The following DSCAML1 variants were observed in gnomAD, a reference collection of about 807,000 sequenced individuals.
DSCAML1 encodes cell adhesion molecule DSCAML1.
Under a neutral mutation model 200.5 loss-of-function variants are expected in DSCAML1, and 38 were observed. The ratio of observed to expected loss-of-function variants is 0.19; its 90% CI spans 0.15 to 0.25. The LOEUF (loss-of-function observed/expected upper bound fraction) is 0.25. Ranked by LOEUF, DSCAML1 falls within the 10% of genes least tolerant of loss-of-function variation. The pLI, the probability that DSCAML1 is intolerant of heterozygous loss-of-function variation, is 1.00. For synonymous variants in DSCAML1, 1,215 were observed against 1,165.0 expected, an observed-to-expected ratio of 1.04 and a Z score of -0.87; for missense variants, 2,223 against 2,858.8, an observed-to-expected ratio of 0.78 and a Z score of 5.07.
At chr11:117,530,511 C>T (rs778856035) in intron 4 of DSCAML1, among the ~76,000 whole-genome samples, 4 of 152,176 alleles carry the variant, frequency 2.6e-5, no homozygotes, top group Non-Finnish European at 5.9e-5. Flanking sequence ...AGCCCCGTCC[C>T]CTACTCTTAT....
chr11:117,511,847 G>T (rs2049624577), intron 8 of DSCAML1, among the ~76,000 whole-genome samples: 1 of 152,270 alleles, frequency 6.6e-6, no homozygotes, highest in Admixed American at 6.5e-5. Context: ...GTGCTCAAGT[G>T]TGAATGGGCT....
At chr11:117,473,995 G>A (rs991362199) in intron 14 of DSCAML1, among the ~76,000 whole-genome samples, 5 of 152,088 alleles carry the variant, frequency 3.3e-5, no homozygotes, top group Non-Finnish European at 7.4e-5. Flanking sequence ...GTTTATAGGA[G>A]AGGGAGAGGG....
intron 3 of DSCAML1, among the ~76,000 whole-genome samples, chr11:117,578,384 G>A (rs2050987470): frequency 6.6e-6 from 1 of 151,834 alleles, no homozygotes; most frequent in Non-Finnish European, 1.5e-5. Context: ...CTAAATATTG[G>A]TGTGGGCTGG....
At chr11:117,746,975 C>G (rs75747112) in intron 3 of DSCAML1, among the ~76,000 whole-genome samples, 1,974 of 152,248 alleles carry the variant, frequency 0.013, 39 homozygotes, top group African/African-American at 0.043. Flanking sequence ...TTTGTCCTGC[C>G]TCTGGACAGC....
chr11:117,444,596 A>G (rs894889674), intron 20 of DSCAML1, among the ~76,000 whole-genome samples: 1 of 152,186 alleles, frequency 6.6e-6, no homozygotes, highest in Non-Finnish European at 1.5e-5. Context: ...TTTACTGGGT[A>G]GCACTTTATT....
Position 117,780,282 on chromosome 11 carries a change from A to AAGAG in DSCAML1, c.364+210_364+211insCTCT, listed in dbSNP as rs1413865538. Among the ~76,000 whole-genome samples, 1 of 96,956 alleles carries AAGAG rather than the reference A, an allele frequency of 1.0e-5. No homozygotes were observed. The highest frequency in any genetic ancestry group is 2.5e-5 in the Non-Finnish European group (1 of 39,656). The allele number at this position is 96,956 out of a possible 152,430, so 63.6% of individuals were successfully genotyped here. A position where few individuals can be genotyped will look rare whatever the true frequency, so the allele number is the denominator to read the frequency against. On this transcript the variant is annotated intron_variant, in intron 2 of 32. Transcript: ENST00000651296. This position sits in a 1 kb window ranked among gnomAD's most constrained non-coding sequence, Gnocchi z 4.8. Reference sequence around the variant, plus strand: ...AAAGAAAGAAAGAAAGAAAGAAAGAAAGAAAGAAAGAAAGAAAGAAAGAGA... The same window carrying AAGAG: ...AAAGAAAGAAAGAAAGAAAGAAAGAAAGAGAGAAAGAAAGAAAGAAAGAAAGAGA...
intron 3 of DSCAML1, among the ~76,000 whole-genome samples, chr11:117,744,106 T>A (rs978205642): frequency 6.6e-6 from 1 of 152,270 alleles, no homozygotes; most frequent in Non-Finnish European, 1.5e-5. Context: ...GTTTGCCATG[T>A]GCTAGGTACT....
chr11:117,798,458 G>T (rs1041846750), upstream of DSCAML1, among the ~76,000 whole-genome samples: 1 of 152,118 alleles, frequency 6.6e-6, no homozygotes, highest in Non-Finnish European at 1.5e-5. Context: ...ATGTTAAAAT[G>T]TACATAACAT....
At chr11:117,763,825 TA>T (rs995455881) in intron 3 of DSCAML1, among the ~76,000 whole-genome samples, 36 of 152,228 alleles carry the variant, frequency 2.4e-4, no homozygotes, top group African/African-American at 8.4e-4. Context: ...CAGGGGACTC[TA>T]AATTTGAGAG....
chr11:117,450,666 G>A lies in DSCAML1; in HGVS notation c.3591C>T (p.Ile1197=). 6.2e-7 allele frequency: 1 copy of A among 1,614,120 alleles called. No homozygotes were observed. Among genetic ancestry groups the A allele is most frequent in the Non-Finnish European group, 8.5e-7 (1 of 1,180,008 alleles). ...TGCTAGCTGATGAAGGGACAGCTTTGATGCCAGCAGGGGGACCTGGAACTG... is the reference window on the plus strand; with the variant it reads ...TGCTAGCTGATGAAGGGACAGCTTTAATGCCAGCAGGGGGACCTGGAACTG... ...KEDVPGPPAG[I]KAVPSSASSV... The change falls in exon 20 of 33, where the codon ATC becomes ATT. Residue 1197 remains isoleucine (I), a synonymous_variant. Transcript: ENST00000651296.
chr11:117,545,307 C>T (rs1191343620), intron 3 of DSCAML1, among the ~76,000 whole-genome samples: 3 of 151,932 alleles, frequency 2.0e-5, no homozygotes, highest in African/African-American at 7.3e-5. Flanking sequence ...TGTGAGGACA[C>T]AGCGAGAAGG....
chr11:117,753,295 A>G (rs73585251), intron 3 of DSCAML1, among the ~76,000 whole-genome samples: 143 of 152,270 alleles, frequency 9.4e-4, no homozygotes, highest in African/African-American at 3.2e-3. Context: ...ATCATTTTAG[A>G]AAGAGGTGGT....
At chr11:117,775,773 C>T (rs925285723) in intron 3 of DSCAML1, among the ~76,000 whole-genome samples, 6 of 151,974 alleles carry the variant, frequency 3.9e-5, no homozygotes, top group Admixed American at 2.0e-4. Flanking sequence ...AGGAGCTCCT[C>T]GGGGATTTAA....
rs764722932 is a variant in DSCAML1 at position 117,431,697 on chromosome 11, G to A, written c.5211C>T (p.Ala1737=). Reference sequence around the variant, plus strand: ...TTGAGTACCGGTTCCGGGTGCTGTGGGCTGACTTCACATTCTTCCTGGACA... The same window carrying A: ...TTGAGTACCGGTTCCGGGTGCTGTGAGCTGACTTCACATTCTTCCTGGACA... ...NPVSRKNVKS[A]HSTRNRYSSQ... Residue 1737 remains alanine (A), a synonymous_variant, in exon 31 of 33, where the codon GCC becomes GCT. Coordinates refer to ENST00000651296, the MANE Select transcript of DSCAML1 (RefSeq NM_020693.4). The A allele has an allele frequency of 1.9e-6, 3 of 1,600,100 alleles. No individual in the cohort carries two copies. The African/African-American group carries it at 4.0e-5, about 21-fold the overall frequency.
At chr11:117,722,123 C>T (rs912054116) in intron 3 of DSCAML1, among the ~76,000 whole-genome samples, 3 of 152,188 alleles carry the variant, frequency 2.0e-5, no homozygotes, top group Non-Finnish European at 4.4e-5. Context: ...CTTTGTAATT[C>T]GTGACATCCT....
At chr11:117,746,880 G>A (rs1353790046) in intron 3 of DSCAML1, among the ~76,000 whole-genome samples, 6 of 152,110 alleles carry the variant, frequency 3.9e-5, no homozygotes. Context: ...AACCTCCCTG[G>A]GAAGCCTGGG....
chr11:117,704,735 A>G (rs1460628509), intron 3 of DSCAML1, among the ~76,000 whole-genome samples: 3 of 152,222 alleles, frequency 2.0e-5, no homozygotes, highest in Non-Finnish European at 2.9e-5. Context: ...ACAGCCAGGA[A>G]CAATGCAAGT....
intron 3 of DSCAML1, among the ~76,000 whole-genome samples, chr11:117,667,609 C>T (rs1472821288): frequency 1.3e-5 from 2 of 152,156 alleles, no homozygotes; most frequent in Non-Finnish European, 2.9e-5. Flanking sequence ...ACTCTTCCTT[C>T]CTCTTTGCAT....
At chr11:117,713,415 C>T (rs1196051551) in intron 3 of DSCAML1, among the ~76,000 whole-genome samples, 1 of 152,170 alleles carries the variant, frequency 6.6e-6, no homozygotes, top group Admixed American at 6.5e-5. Flanking sequence ...CACGTCCGGC[C>T]ACCAATGCCC....
Sources: gnomAD v4.1 joint callset for allele counts (sites outside exome capture counted in the v4.1 genomes callset) on GRCh38, gnomAD v4.1.1 for gene constraint, Gnocchi (gnomAD v3.1) non-coding constraint, MANE v1.5 for transcripts, NCBI Gene and HGNC (gene_info 2026-07-23, HGNC 2026-07-21) for gene names.